The following SLC7A2 variants were observed in gnomAD, a reference collection of about 807,000 sequenced individuals.
SLC7A2 encodes cationic amino acid transporter 2.
SLC7A2 carries 48 observed loss-of-function variants against 58.9 expected under a neutral mutation model. The ratio of observed to expected loss-of-function variants is 0.82; its 90% CI spans 0.65 to 1.04. The LOEUF is 1.04. Ranked by LOEUF, SLC7A2 falls within the 50% of genes least tolerant of loss-of-function variation. The pLI, the probability that SLC7A2 is intolerant of heterozygous loss-of-function variation, is 0.00. For missense variants in SLC7A2, 1,029 were observed against 818.8 expected (o/e 1.26, Z -3.13); for synonymous variants, 363 against 314.5 (o/e 1.15, Z -1.63).
At chr8:17,520,390 C>T (rs900337017) in intron 2 of SLC7A2, among the ~76,000 whole-genome samples, 4 of 151,902 alleles carry the variant, frequency 2.6e-5, no homozygotes, top group African/African-American at 9.7e-5. Context: ...CCTGTAATCT[C>T]AGCACTTTGG....
intron 2 of SLC7A2, among the ~76,000 whole-genome samples, chr8:17,514,939 C>A (rs997153491): frequency 6.6e-6 from 1 of 152,088 alleles, no homozygotes. Flanking sequence ...GATAAAACAG[C>A]GTTTCATTTC....
At chr8:17,537,843 C>G (rs966983489) in intron 2 of SLC7A2, among the ~76,000 whole-genome samples, 1 of 152,150 alleles carries the variant, frequency 6.6e-6, no homozygotes, top group South Asian at 2.1e-4. Flanking sequence ...GCAGGGACTC[C>G]GGTTACCAAG....
chr8:17,544,553 GTC>G lies in SLC7A2; in HGVS notation c.481_482del (p.Leu161CysfsTer31). The G allele has an allele frequency of 6.2e-7, 1 of 1,613,996 alleles. No individual in the cohort carries two copies. The highest frequency in any genetic ancestry group is 8.5e-7 in the Non-Finnish European group (1 of 1,179,952). On this transcript the variant is annotated frameshift_variant, in exon 4 of 13. Coordinates refer to ENST00000494857, the MANE Select transcript of SLC7A2 (RefSeq NM_001370338.1). LOFTEE classifies it high-confidence loss of function. ...ACATACTTCAGAATGAATTACACTG[GTC>G]TTGCAGAATATCCCGATTTTTTTGC... is the stretch of plus-strand genomic sequence containing the variant.
In SLC7A2 at chr8:17,531,180, G is replaced by T. The variant is rs1801436304; in HGVS notation, c.-22-12138G>T. Among the ~76,000 whole-genome samples the T allele has an allele frequency of 2.0e-5, 3 of 152,174 alleles. No individual in the cohort carries two copies. In the South Asian group the frequency reaches 6.2e-4, roughly 31 times the overall value. On this transcript the variant is annotated intron_variant, in intron 2 of 12. Coordinates refer to ENST00000494857, the MANE Select transcript of SLC7A2 (RefSeq NM_001370338.1). The stretch of plus-strand genomic sequence containing the variant: ...GCATCTTAGTGCTGAAAGACCTGAA[G>T]GTCAGATGAAACTCCTCTTTATAAA...
At chr8:17,544,089 C>G (rs550304959) in intron 3 of SLC7A2, among the ~76,000 whole-genome samples, 1 of 152,112 alleles carries the variant, frequency 6.6e-6, no homozygotes, top group Non-Finnish European at 1.5e-5. Context: ...AAGCTGGTCT[C>G]GAACTCCTGA....
rs147071800 is a variant in SLC7A2 at position 17,554,996 on chromosome 8, G to A, written c.1195+297G>A. The A allele has an allele frequency of 7.4e-6, 12 of 1,613,818 alleles. No individual in the cohort carries two copies. The African/African-American group carries it at 8.0e-5, about 11-fold the overall frequency. On this transcript the variant is annotated intron_variant, in intron 8 of 12. Transcript: ENST00000494857. ...CCCCGAATTCTGTTTGCCATGGCCC[G>A]GGATGGCTTACTGTTTAGATTTCTT... is the stretch of plus-strand genomic sequence containing the variant.
intron 2 of SLC7A2, among the ~76,000 whole-genome samples, chr8:17,516,840 T>A (rs1051784131): frequency 6.6e-6 from 1 of 152,204 alleles, no homozygotes; most frequent in African/African-American, 2.4e-5. Flanking sequence ...CAGGAAATAT[T>A]TGAGTATCTG....
intron 4 of SLC7A2, among the ~76,000 whole-genome samples, chr8:17,548,051 C>T (rs1454038447): frequency 6.6e-6 from 1 of 152,140 alleles, no homozygotes; most frequent in Non-Finnish European, 1.5e-5. Flanking sequence ...TAAAAGTTCG[C>T]AACTGGGCCG....
chr8:17,514,275 A>G (rs1222716291), intron 2 of SLC7A2, among the ~76,000 whole-genome samples: 4 of 152,084 alleles, frequency 2.6e-5, no homozygotes, highest in African/African-American at 9.7e-5. Flanking sequence ...AAAAAAAAAT[A>G]CAGTGTGTCC....
intron 2 of SLC7A2, among the ~76,000 whole-genome samples, chr8:17,505,975 G>A (rs1041907367): frequency 2.0e-5 from 3 of 152,184 alleles, no homozygotes; most frequent in South Asian, 2.1e-4. Flanking sequence ...ATATTGAGAC[G>A]AAGTGAGGAA....
At position 17,569,742 on chromosome 8, in the gene SLC7A2, C is replaced by T. The variant is rs1396778142; in HGVS notation, c.*4596C>T. On this transcript the variant is annotated 3_prime_UTR_variant, in exon 13 of 13. Coordinates refer to ENST00000494857, the MANE Select transcript of SLC7A2 (RefSeq NM_001370338.1). Reference sequence around the variant, plus strand: ...TTATTGCTCAACCCAACTGGTAACACTGTTTGCTGGGAGCATTATACTTAA... The same window carrying T: ...TTATTGCTCAACCCAACTGGTAACATTGTTTGCTGGGAGCATTATACTTAA... 6.6e-6 allele frequency: 1 copy of T among 152,142 alleles called. No homozygotes were observed. The highest frequency in any genetic ancestry group is 2.4e-5 in the African/African-American group (1 of 41,434). The allele number at this position is 152,142 out of a possible 1,614,324, so 9.4% of individuals were successfully genotyped here. A position where few individuals can be genotyped will look rare whatever the true frequency, so the allele number is the denominator to read the frequency against.
At chr8:17,500,007 A>T (rs1800090206) in intron 1 of SLC7A2, 1 of 152,198 alleles carries the variant, frequency 6.6e-6, no homozygotes, top group Admixed American at 6.5e-5. Context: ...TCTGTCTTCA[A>T]ATGTATTTAT....
intron 2 of SLC7A2, among the ~76,000 whole-genome samples, chr8:17,524,467 C>T (rs1332725905): frequency 6.7e-6 from 1 of 150,112 alleles, no homozygotes; most frequent in Non-Finnish European, 1.5e-5. Context: ...CCATGGAATA[C>T]TACTCAGCCA....
intron 2 of SLC7A2, among the ~76,000 whole-genome samples, chr8:17,505,929 C>T (rs1183876993): frequency 6.6e-6 from 1 of 152,180 alleles, no homozygotes; most frequent in Non-Finnish European, 1.5e-5. Flanking sequence ...TTTCCTTTTA[C>T]AGTTAATGTT....
chr8:17,531,714 A>G (rs1206386200), intron 2 of SLC7A2, among the ~76,000 whole-genome samples: 1 of 152,074 alleles, frequency 6.6e-6, no homozygotes, highest in Non-Finnish European at 1.5e-5. Flanking sequence ...GACTAATATG[A>G]TTATTTTAAG....
chr8:17,500,799 TACACACACACACACACACACAC>T (rs60002166), intron 1 of SLC7A2, among the ~76,000 whole-genome samples: 2,240 of 146,130 alleles, frequency 0.015, 34 homozygotes, highest in South Asian at 0.048. Context: ...AACACACACA[TACACACACACACACACACACAC>T]ACACACACAC....
At chr8:17,544,878 C>T (rs759495181) in intron 4 of SLC7A2, among the ~76,000 whole-genome samples, 3 of 152,098 alleles carry the variant, frequency 2.0e-5, no homozygotes, top group African/African-American at 4.8e-5. Context: ...TTTTTTAAAT[C>T]GTTAATTGCA....
intron 9 of SLC7A2, among the ~76,000 whole-genome samples, chr8:17,559,114 A>G (rs1348261329): frequency 6.6e-6 from 1 of 152,062 alleles, no homozygotes. Flanking sequence ...ATTTCTTTAT[A>G]TGGAGGGAAA....
intron 1 of SLC7A2, among the ~76,000 whole-genome samples, chr8:17,499,823 A>G (rs982503441): frequency 3.9e-5 from 6 of 152,168 alleles, no homozygotes; most frequent in African/African-American, 7.2e-5. Flanking sequence ...AACCATATAG[A>G]TACAACCTTG....
Sources: allele counts gnomAD v4.1 joint callset (sites outside exome capture counted in the v4.1 genomes callset), GRCh38; gene constraint gnomAD v4.1.1; transcripts MANE v1.5; gene names NCBI Gene and HGNC (gene_info 2026-07-23, HGNC 2026-07-21).